Variants in PILRA observed in about 807,000 individuals in gnomAD.
The protein encoded by PILRA is paired immunoglobulin-like type 2 receptor alpha.
In PILRA, 37 loss-of-function variants were observed where a neutral mutation model predicts 33.1. That is an observed-to-expected ratio of 1.12 (90% CI 0.86 to 1.47). The LOEUF is 1.47. Ranked by LOEUF, PILRA falls within the 40% of genes most tolerant of loss-of-function variation. The probability of loss-of-function intolerance (pLI) is 0.00; values close to 1 mark genes in which losing one functional copy is unlikely to be tolerated. For missense variants in PILRA, 312 were observed against 376.2 expected (o/e 0.83, Z 1.41); for synonymous variants, 146 against 149.9 (o/e 0.97, Z 0.19).
At chr7:100,391,273 T>C (rs1791386130) in intron 3 of PILRA, among the ~76,000 whole-genome samples, 1 of 151,088 alleles carries the variant, frequency 6.6e-6, no homozygotes. Flanking sequence ...GAGGATTGCT[T>C]GAGCCCAGGA....
chr7:100,394,593 CA>C (rs60131231), intron 3 of PILRA, among the ~76,000 whole-genome samples: 428 of 47,324 alleles, frequency 9.0e-3, no homozygotes, highest in East Asian at 0.02. Context: ...GATTCTATCT[CA>C]AAAAAAAAAA....
chr7:100,388,529 T>TG (rs1484225265), intron 2 of PILRA, among the ~76,000 whole-genome samples: 2 of 151,544 alleles, frequency 1.3e-5, no homozygotes, highest in Admixed American at 6.6e-5. Flanking sequence ...AGTCAGGAGT[T>TG]GGAGACCAGC....
chr7:100,373,996 T>C, intron 1 of PILRA, 48 bp from the exon 2 acceptor site: 1 of 1,591,502 alleles, frequency 6.3e-7, no homozygotes, highest in Non-Finnish European at 8.6e-7. Flanking sequence ...CTTTGTGTCT[T>C]GAGGTGGTTT....
At position 100,396,640 on chromosome 7, in the gene PILRA, G is replaced by A. The variant is rs528677259; in HGVS notation, c.674-1239G>A. 6.8e-4 allele frequency among the ~76,000 whole-genome samples: 103 copies of A among 152,104 alleles called. 1 individual carries two copies. Among genetic ancestry groups the A allele is most frequent in the African/African-American group, 2.0e-3 (83 of 41,470 alleles). On this transcript the variant is annotated intron_variant, in intron 3 of 6. Coordinates refer to ENST00000198536, the MANE Select transcript of PILRA (RefSeq NM_013439.3). ...GCACTCCAGCCTGGGTGACAAGAGC[G>A]AAACTCTGTCTCAAAAAATAAAGAA... is the stretch of plus-strand genomic sequence containing the variant.
chr7:100,399,983 A>G lies in PILRA; in HGVS notation c.*76A>G. 1 of 1,419,786 alleles carries G rather than the reference A, an allele frequency of 7.0e-7. No homozygotes were observed. Among genetic ancestry groups the G allele is most frequent in the Non-Finnish European group, 9.3e-7 (1 of 1,073,152 alleles). 87.9% of individuals were successfully genotyped at this position (1,419,786 alleles called of 1,614,324 possible). A position where few individuals can be genotyped will look rare whatever the true frequency, so the allele number is the denominator to read the frequency against. ...CACACCTGTAATCCCAGCTACTCTG[A>G]AGCCTGAGGCAGAATCAAGTGAGCC... is the stretch of plus-strand genomic sequence containing the variant. On this transcript the variant is annotated 3_prime_UTR_variant, in exon 7 of 7. Transcript: ENST00000198536.
In PILRA at chr7:100,373,810, C is replaced by T. The variant is rs1023558366; in HGVS notation, c.64+90C>T. 5.9e-6 allele frequency: 9 copies of T among 1,531,570 alleles called. No individual in the cohort carries two copies. The Admixed American group carries it at 6.8e-5, about 12-fold the overall frequency. 94.9% of individuals were successfully genotyped at this position (1,531,570 alleles called of 1,614,324 possible). A position where few individuals can be genotyped will look rare whatever the true frequency, so the allele number is the denominator to read the frequency against. ...AAAGGTGGGACATCTTGGGGAGGGC[C>T]CAGGCTCCCACCACCAGGAAACAAG... On this transcript the variant is annotated intron_variant, in intron 1 of 6. Coordinates refer to ENST00000198536, the MANE Select transcript of PILRA (RefSeq NM_013439.3).
At chr7:100,378,908 T>C (rs1018797130) in intron 2 of PILRA, among the ~76,000 whole-genome samples, 7 of 151,680 alleles carry the variant, frequency 4.6e-5, no homozygotes, top group Non-Finnish European at 8.8e-5. Context: ...CTGGCTAACA[T>C]GGTGAAACCC....
chr7:100,390,632 A>G (rs1017078531), intron 3 of PILRA, among the ~76,000 whole-genome samples: 1 of 152,206 alleles, frequency 6.6e-6, no homozygotes, highest in Admixed American at 6.5e-5. Flanking sequence ...AGCACTTAAT[A>G]AGGGTGGGAA....
At position 100,393,261 on chromosome 7, in the gene PILRA, T is replaced by C. The variant is rs1021602482; in HGVS notation, c.673+3155T>C. Among the ~76,000 whole-genome samples the C allele has an allele frequency of 1.2e-4, 18 of 150,756 alleles. 1 individual carries two copies. The highest frequency in any genetic ancestry group is 4.6e-4 in the Admixed American group (7 of 15,116). ...CACCACTGCACTCCAGCCTGGGTGA[T>C]AGAGCGAGACTCTGTCTCAAACAAA... is the stretch of plus-strand genomic sequence containing the variant. On this transcript the variant is annotated intron_variant, in intron 3 of 6. Transcript: ENST00000198536.
At chr7:100,371,798 G>T (rs1487496856), upstream of PILRA, among the ~76,000 whole-genome samples, 2 of 152,202 alleles carry the variant, frequency 1.3e-5, no homozygotes, top group African/African-American at 4.8e-5. Context: ...GAGGGAGGAT[G>T]AACAAATCCA....
chr7:100,383,737 A>G (rs1041993371), intron 2 of PILRA, among the ~76,000 whole-genome samples: 3 of 151,866 alleles, frequency 2.0e-5, no homozygotes, highest in African/African-American at 7.3e-5. Flanking sequence ...CCTGGGTTCA[A>G]GGGATTCTCC....
At chr7:100,387,169 T>G (rs1468002342) in intron 2 of PILRA, among the ~76,000 whole-genome samples, 1 of 152,208 alleles carries the variant, frequency 6.6e-6, no homozygotes, top group Non-Finnish European at 1.5e-5. Context: ...TCCCACAAAC[T>G]TAGCGTTCTA....
intron 2 of PILRA, among the ~76,000 whole-genome samples, chr7:100,389,050 G>C (rs1273400491): frequency 5.9e-5 from 9 of 151,996 alleles, no homozygotes; most frequent in Admixed American, 5.9e-4. Context: ...GTTTTCAAGA[G>C]AGAGCTATCT....
At chr7:100,399,390 GT>G in intron 5 of PILRA, 50 bp downstream of exon 5, 1 of 1,528,622 alleles carries the variant, frequency 6.5e-7, no homozygotes, top group Non-Finnish European at 9.1e-7. Flanking sequence ...GGCACTTCCT[GT>G]TTCCCCAAAT....
intron 2 of PILRA, among the ~76,000 whole-genome samples, chr7:100,385,627 T>G (rs1218897275): frequency 6.6e-6 from 1 of 152,184 alleles, no homozygotes. Context: ...TTTTATTTTT[T>G]ATTTTTATTT....
At chr7:100,374,542 A>T in intron 2 of PILRA, 109 bp downstream of exon 2, 2 of 1,338,404 alleles carry the variant, frequency 1.5e-6, no homozygotes, top group Non-Finnish European at 2.1e-6. Flanking sequence ...GACGACCCCT[A>T]AGTTCTCTCT....
At chr7:100,378,675 T>A (rs112333037) in intron 2 of PILRA, among the ~76,000 whole-genome samples, 6,041 of 152,210 alleles carry the variant, frequency 0.04, 423 homozygotes, top group African/African-American at 0.14. Context: ...CACTCCAGCC[T>A]GGGTGACAGA....
At position 100,395,698 on chromosome 7, in the gene PILRA, G is replaced by A. The variant is rs1002028672; in HGVS notation, c.674-2181G>A. On this transcript the variant is annotated intron_variant, in intron 3 of 6. Transcript: ENST00000198536. ...CTATCTCCTTATACCCAGAAGGACAGCTACTATTTAAAAAGTGTGTAAATG... is the reference window on the plus strand; with the variant it reads ...CTATCTCCTTATACCCAGAAGGACAACTACTATTTAAAAAGTGTGTAAATG... Among the ~76,000 whole-genome samples the A allele has an allele frequency of 1.1e-4, 17 of 152,196 alleles. No homozygotes were observed. The South Asian group carries it at 3.5e-3, about 32-fold the overall frequency.
chr7:100,377,917 G>C (rs1055612803), intron 2 of PILRA, among the ~76,000 whole-genome samples: 4 of 152,098 alleles, frequency 2.6e-5, no homozygotes, highest in African/African-American at 9.7e-5. Flanking sequence ...TTGTAGAAAA[G>C]CATCTGTTTC....
Sources: gnomAD v4.1 joint callset for allele counts (sites outside exome capture counted in the v4.1 genomes callset) on GRCh38, gnomAD v4.1.1 for gene constraint, MANE v1.5 for transcripts, NCBI Gene and HGNC (gene_info 2026-07-23, HGNC 2026-07-21) for gene names.